MAPK11: variants seen among roughly 807,000 people sequenced by gnomAD.
MAPK11 encodes MAP kinase 11.
MAPK11 carries 44 observed loss-of-function variants against 52.2 expected under a neutral mutation model. The ratio of observed to expected loss-of-function variants is 0.84; its 90% CI spans 0.66 to 1.08. The LOEUF is 1.08. MAPK11 is among the 50% of genes least tolerant of loss of function. MAPK11 has a pLI of 0.00. For synonymous variants in MAPK11, 233 were observed against 206.3 expected (o/e 1.13, Z -1.11); for missense variants, 436 against 494.7 (o/e 0.88, Z 1.13).
In MAPK11 at chr22:50,264,185, A is replaced by AC. The variant is rs1167678941; in HGVS notation, c.*762dup. On this transcript the variant is annotated 3_prime_UTR_variant, in exon 12 of 12. Coordinates refer to ENST00000330651, the MANE Select transcript of MAPK11 (RefSeq NM_002751.7). ...TGAAACACCCCTCAAGGCATCAGGA[A>AC]CCGAGGAGAGGGAAGGCAACAGCAC... 6.6e-6 allele frequency: 1 copy of AC among 152,232 alleles called. No individual in the cohort carries two copies. Among genetic ancestry groups the AC allele is most frequent in the African/African-American group, 2.4e-5 (1 of 41,424 alleles). 9.4% of individuals were successfully genotyped at this position (152,232 alleles called of 1,614,324 possible).
At position 50,266,589 on chromosome 22, in the gene MAPK11, G is replaced by A; in HGVS notation, c.633C>T (p.Cys211=). Residue 211 remains cysteine (C), a synonymous_variant, in exon 8 of 12, where the codon TGC becomes TGT. Coordinates refer to ENST00000330651, the MANE Select transcript of MAPK11 (RefSeq NM_002751.7). ...TGCCCTGGAGCAGCTCAGCCATGAT[G>A]CAGCCCACGGACCAGATATCCACTG... ...NQTVDIWSVG[C]IMAELLQGKA... 6.6e-7 allele frequency: 1 copy of A among 1,526,710 alleles called. No homozygotes were observed. Among genetic ancestry groups the A allele is most frequent in the African/African-American group, 1.4e-5 (1 of 72,106 alleles). 94.6% of individuals were successfully genotyped at this position (1,526,710 alleles called of 1,614,324 possible).
chr22:50,267,979 G>A, intron 1 of MAPK11, 30 bp from the exon 2 acceptor site: 2 of 1,520,520 alleles, frequency 1.3e-6, no homozygotes, highest in Non-Finnish European at 8.8e-7. Context: ...GGCGGCGCCG[G>A]GAGGGGTCCG....
At chr22:50,266,436 T>G in intron 8 of MAPK11, 104 bp downstream of exon 8, 2 of 1,379,796 alleles carry the variant, frequency 1.4e-6, no homozygotes, top group Non-Finnish European at 2.0e-6. Context: ...TAGCATAGCA[T>G]GGGGGGCAGA....
intron 1 of MAPK11, 148 bp from the exon 2 acceptor site, chr22:50,268,097 TC>T: frequency 1.0e-6 from 1 of 1,003,038 alleles, no homozygotes; most frequent in Non-Finnish European, 1.4e-6. Context: ...CAGCTCGGCC[TC>T]CCACCCTCGG....
chr22:50,266,442 G>A lies in MAPK11; in HGVS notation c.682+98C>T, dbSNP rs182944021. The A allele has an allele frequency of 1.3e-4, 174 of 1,376,966 alleles. No individual in the cohort carries two copies. The East Asian group carries it at 3.4e-3, about 27-fold the overall frequency. 85.3% of individuals were successfully genotyped at this position (1,376,966 alleles called of 1,614,324 possible). ...AGCCCAAAGTAGCATAGCATGGGGG[G>A]CAGAGGAGGCAAGACCCGCCAGAAG... On this transcript the variant is annotated intron_variant, in intron 8 of 11. Transcript: ENST00000330651.
Position 50,266,574 on chromosome 22 carries a change from C to T in MAPK11, c.648G>A (p.Leu216=). The T allele has an allele frequency of 6.6e-7, 1 of 1,520,666 alleles. No homozygotes were observed. The highest frequency in any genetic ancestry group is 8.8e-7 in the Non-Finnish European group (1 of 1,135,584). 94.2% of individuals were successfully genotyped at this position (1,520,666 alleles called of 1,614,324 possible). A position where few individuals can be genotyped will look rare whatever the true frequency, so the allele number is the denominator to read the frequency against. Residue 216 remains leucine, a synonymous_variant, in exon 8 of 12, where the codon CTG becomes CTA. Coordinates refer to ENST00000330651, the MANE Select transcript of MAPK11 (RefSeq NM_002751.7). ...IWSVGCIMAE[L]LQGKALFPGS... is the part of the protein sequence containing the mutation. ...CCGGGAAGAGGGCCTTGCCCTGGAG[C>T]AGCTCAGCCATGATGCAGCCCACGG...
In MAPK11 at chr22:50,264,481, C is replaced by T. The variant is rs1240201936; in HGVS notation, c.*467G>A. 1.3e-5 allele frequency: 2 copies of T among 158,694 alleles called. No individual in the cohort carries two copies. The highest frequency in any genetic ancestry group is 1.2e-4 in the Admixed American group (2 of 17,110). The allele number at this position is 158,694 out of a possible 1,614,324, so 9.8% of individuals were successfully genotyped here. A position where few individuals can be genotyped will look rare whatever the true frequency, so the allele number is the denominator to read the frequency against. On this transcript the variant is annotated 3_prime_UTR_variant, in exon 12 of 12. Coordinates refer to ENST00000330651, the MANE Select transcript of MAPK11 (RefSeq NM_002751.7). ...TCTCAGCAGTGACCAAGACAGCCCC[C>T]TACCTCCAGGCTGAGCAGCTCTAAC...
In MAPK11 at chr22:50,267,359, A is replaced by G. The variant is rs1428501731; in HGVS notation, c.417+12T>C. The G allele has an allele frequency of 2.3e-6, 3 of 1,324,640 alleles. No homozygotes were observed. Among genetic ancestry groups the G allele is most frequent in the Admixed American group, 2.0e-5 (1 of 49,866 alleles). The allele number at this position is 1,324,640 out of a possible 1,614,324, so 82.1% of individuals were successfully genotyped here. ...CCCTGCGAGAGGACCCGCGAAGCCC[A>G]GGGCGCCCCACCTTCAGCCCGCGCA... On this transcript the variant is annotated intron_variant, in intron 4 of 11. Transcript: ENST00000330651.
Position 50,266,578 on chromosome 22 carries a change from T to G in MAPK11, c.644A>C (p.Glu215Ala), listed in dbSNP as rs1601652924. The change falls in exon 8 of 12, where the codon GAG (glutamate) becomes GCG (alanine). Residue 215 changes from glutamate (E) to alanine (A), a missense_variant. Glu to Ala is a moderately radical substitution (Grantham distance 107). Transcript: ENST00000330651. Reference sequence around the variant, plus strand: ...GAAGAGGGCCTTGCCCTGGAGCAGCTCAGCCATGATGCAGCCCACGGACCA... The same window carrying G: ...GAAGAGGGCCTTGCCCTGGAGCAGCGCAGCCATGATGCAGCCCACGGACCA... ...DIWSVGCIMA[E>A]LLQGKALFPG... The G allele has an allele frequency of 6.6e-7, 1 of 1,522,758 alleles. No individual in the cohort carries two copies. Among genetic ancestry groups the G allele is most frequent in the African/African-American group, 1.4e-5 (1 of 71,938 alleles). The allele number at this position is 1,522,758 out of a possible 1,614,324, so 94.3% of individuals were successfully genotyped here.
chr22:50,270,051 T>A lies in MAPK11; in HGVS notation c.116+126A>T. 2.9e-6 allele frequency: 1 copy of A among 342,752 alleles called. No homozygotes were observed. 21.2% of individuals were successfully genotyped at this position (342,752 alleles called of 1,614,324 possible). On this transcript the variant is annotated intron_variant, in intron 1 of 11. Coordinates refer to ENST00000330651, the MANE Select transcript of MAPK11 (RefSeq NM_002751.7). The surrounding 1 kb of genome is among the most constrained non-coding windows in gnomAD (Gnocchi z 6.3). ...CCCCCATTCATTCCTCAGATCCGCT[T>A]GGCGCCCGGGGGCGGAGGCAGGGCG... is the stretch of plus-strand genomic sequence containing the variant.
intron 11 of MAPK11, 97 bp from the exon 12 acceptor site, chr22:50,265,124 T>A: frequency 8.1e-7 from 1 of 1,233,210 alleles, no homozygotes; most frequent in Non-Finnish European, 1.1e-6. Flanking sequence ...CCCACCACCC[T>A]GTGACAGCAG....
At position 50,266,604 on chromosome 22, in the gene MAPK11, G is replaced by C. The variant is rs757173321; in HGVS notation, c.618C>G (p.Ile206Met). ...CAGCCATGATGCAGCCCACGGACCA[G>C]ATATCCACTGTGCGAGGGCGAGGGG... Reference protein sequence around the residue: ...NWMHYNQTVDIWSVGCIMAEL... With the variant: ...NWMHYNQTVDMWSVGCIMAEL... Residue 206 changes from isoleucine to methionine, a missense_variant, in exon 8 of 12, where the codon ATC (isoleucine) becomes ATG (methionine). Transcript: ENST00000330651. 1.3e-6 allele frequency: 2 copies of C among 1,540,318 alleles called. No homozygotes were observed. The highest frequency in any genetic ancestry group is 4.1e-5 in the Admixed American group (2 of 48,286).
At chr22:50,268,535 G>T (rs906692089) in intron 1 of MAPK11, among the ~76,000 whole-genome samples, 1 of 152,232 alleles carries the variant, frequency 6.6e-6, no homozygotes, top group Non-Finnish European at 1.5e-5. Context: ...TGGACCCACA[G>T]AACAGCCCTT....
At chr22:50,265,189 C>T (rs2065252527) in intron 11 of MAPK11, 132 bp downstream of exon 11, 1 of 1,352,190 alleles carries the variant, frequency 7.4e-7, no homozygotes, top group African/African-American at 1.4e-5. Flanking sequence ...CCGCCCCGCT[C>T]CCAGCCTGTG....
chr22:50,266,176 T>G, intron 9 of MAPK11, 50 bp downstream of exon 9: 1 of 1,452,400 alleles, frequency 6.9e-7, no homozygotes, highest in South Asian at 1.3e-5. Flanking sequence ...CCAGAGAGCC[T>G]GGGGGCTCAG....
In MAPK11 at chr22:50,265,459, T is replaced by G. The variant is rs758066433; in HGVS notation, c.877A>C (p.Ser293Arg). 1.2e-6 allele frequency: 2 copies of G among 1,613,188 alleles called. No homozygotes were observed. Among genetic ancestry groups the G allele is most frequent in the Non-Finnish European group, 1.7e-6 (2 of 1,180,002 alleles). Residue 293 changes from serine (S) to arginine (R), a missense_variant, in exon 11 of 12, where the codon AGT (serine) becomes CGT (arginine). Coordinates refer to ENST00000330651, the MANE Select transcript of MAPK11 (RefSeq NM_002751.7). ...TCAGCTGCACTGACCCTCTGGTCAC[T>G]GTCCAGCACCAGCATCCTTCCAAGG... is the stretch of plus-strand genomic sequence containing the variant. ...DLLGRMLVLD[S>R]DQRVSAAEAL...
chr22:50,266,331 G>A, intron 8 of MAPK11, 26 bp from the exon 9 acceptor site: 1 of 1,590,238 alleles, frequency 6.3e-7, no homozygotes, highest in Non-Finnish European at 8.6e-7. Flanking sequence ...AACACCCACG[G>A]GCCAGCCACA....
intron 1 of MAPK11, among the ~76,000 whole-genome samples, chr22:50,269,124 C>T (rs1220341906): frequency 6.6e-6 from 1 of 152,152 alleles, no homozygotes; most frequent in Non-Finnish European, 1.5e-5. Flanking sequence ...ACCCTAGTCC[C>T]CTATGGCCAC....
At chr22:50,267,214 G>T in intron 5 of MAPK11, 40 bp from the exon 6 acceptor site, 13 of 1,609,484 alleles carry the variant, frequency 8.1e-6, no homozygotes, top group Non-Finnish European at 1.1e-5. Flanking sequence ...AGGCTGGGAC[G>T]GAGCCCTGCT....
Sources: gnomAD v4.1 joint callset for allele counts (sites outside exome capture counted in the v4.1 genomes callset) on GRCh38, gnomAD v4.1.1 for gene constraint, Gnocchi (gnomAD v3.1) non-coding constraint, MANE v1.5 for transcripts, NCBI Gene and HGNC (gene_info 2026-07-23, HGNC 2026-07-21) for gene names.